UBE2E1: variants seen among roughly 807,000 people sequenced by gnomAD.
UBE2E1 encodes ubiquitin conjugating enzyme E2 E1, also known as ubiquitin-conjugating enzyme E2 E1.
A neutral mutation model predicts 21.4 loss-of-function variants in UBE2E1; 6 were observed. The ratio of observed to expected loss-of-function variants is 0.28; its 90% CI spans 0.15 to 0.55. The LOEUF (loss-of-function observed/expected upper bound fraction) is 0.55, where lower values mean the gene tolerates loss of function less well. Among genes scored for constraint, UBE2E1 ranks in the 20% least tolerant of loss-of-function variants. The pLI is 0.93. For synonymous variants in UBE2E1, 87 were observed against 82.7 expected (o/e 1.05, Z -0.28); for missense variants, 142 against 236.5 (o/e 0.60, Z 2.62).
chr3:23,813,201 A>G (rs1226118144), intron 3 of UBE2E1, among the ~76,000 whole-genome samples: 1 of 152,166 alleles, frequency 6.6e-6, no homozygotes, highest in Non-Finnish European at 1.5e-5. Context: ...GGTGTTACGG[A>G]GTCAAAGCTC....
Position 23,863,100 on chromosome 3 carries a change from C to T in UBE2E1, c.204-24467C>T, listed in dbSNP as rs940879558. ...TTCCCAGCATTTTGCTCTCTAGTGG[C>T]AACTACTTGTACCTCCTTGAGCCGA... On this transcript the variant is annotated intron_variant, in intron 3 of 5. Transcript: ENST00000306627. This position sits in a 1 kb window ranked among gnomAD's most constrained non-coding sequence, Gnocchi z 4.3. Among the ~76,000 whole-genome samples the T allele has an allele frequency of 3.3e-5, 5 of 149,898 alleles. No homozygotes were observed. The highest frequency in any genetic ancestry group is 9.8e-5 in the African/African-American group (4 of 40,882).
intron 3 of UBE2E1, among the ~76,000 whole-genome samples, chr3:23,852,620 GGTC>G (rs1700350602): frequency 6.6e-6 from 1 of 151,938 alleles, no homozygotes; most frequent in Non-Finnish European, 1.5e-5. Flanking sequence ...TTTGAGACAG[GGTC>G]TCACTTTGTC....
In UBE2E1 at chr3:23,890,861, A is replaced by ATTTAGACATTT; in HGVS notation, c.*256_*266dup. 1 of 309,948 alleles carries ATTTAGACATTT rather than the reference A, an allele frequency of 3.2e-6. No homozygotes were observed. The highest frequency in any genetic ancestry group is 5.9e-6 in the Non-Finnish European group (1 of 169,756). The allele number at this position is 309,948 out of a possible 1,614,324, so 19.2% of individuals were successfully genotyped here. ...AAATGTAGTACAGAAAAGAATGTAC[A>ATTTAGACATTT]TTTAGACATTTGGGTTCAGTTGCTT... On this transcript the variant is annotated 3_prime_UTR_variant, in exon 6 of 6. Coordinates refer to ENST00000306627, the MANE Select transcript of UBE2E1 (RefSeq NM_003341.5).
Position 23,823,703 on chromosome 3 carries a change from A to G in UBE2E1, c.203+12193A>G, listed in dbSNP as rs1338361110. ...TTACAAGCACCCAGGAGGATTTTTT[A>G]TAAACATGAAAGATAACTTTCCTCT... On this transcript the variant is annotated intron_variant, in intron 3 of 5. Transcript: ENST00000306627. The surrounding 1 kb of genome is among the most constrained non-coding windows in gnomAD (Gnocchi z 4.2). 6.6e-6 allele frequency among the ~76,000 whole-genome samples: 1 copy of G among 152,246 alleles called. No individual in the cohort carries two copies. Among genetic ancestry groups the G allele is most frequent in the Non-Finnish European group, 1.5e-5 (1 of 68,050 alleles).
chr3:23,856,032 C>T (rs1012778866), intron 3 of UBE2E1, among the ~76,000 whole-genome samples: 14 of 151,742 alleles, frequency 9.2e-5, no homozygotes, highest in African/African-American at 3.4e-4. Flanking sequence ...TGTGGTTTTT[C>T]TTTTCTTTTC....
At chr3:23,846,698 C>CAAAA (rs10662469) in intron 3 of UBE2E1, among the ~76,000 whole-genome samples, 4,691 of 89,558 alleles carry the variant, frequency 0.052, 297 homozygotes, top group Non-Finnish European at 0.074. Context: ...TCCATCTCAT[C>CAAAA]AAAAAAAAAA....
chr3:23,812,773 C>T (rs1391274927), intron 3 of UBE2E1, among the ~76,000 whole-genome samples: 2 of 152,120 alleles, frequency 1.3e-5, no homozygotes, highest in Non-Finnish European at 2.9e-5. Flanking sequence ...TGGTGGTTCA[C>T]GTGGAAGCCT....
At chr3:23,889,566 T>TATA in intron 5 of UBE2E1, 16 of 1,371,022 alleles carry the variant, frequency 1.2e-5, no homozygotes, top group Non-Finnish European at 1.4e-5. Flanking sequence ...ATAGAGTTCT[T>TATA]ATAAAACAAA....
In UBE2E1 at chr3:23,808,036, C is replaced by T. The variant is rs1167218432; in HGVS notation, c.152+615C>T. On this transcript the variant is annotated intron_variant, in intron 2 of 5. Coordinates refer to ENST00000306627, the MANE Select transcript of UBE2E1 (RefSeq NM_003341.5). This position sits in a 1 kb window ranked among gnomAD's most constrained non-coding sequence, Gnocchi z 4.9. ...TATTCTAGGTTATTTTTGTGGTTCT[C>T]TTTAAAAACTTCAGTTTACCAATTT... is the stretch of plus-strand genomic sequence containing the variant. 2 of 152,148 alleles carry T rather than the reference C, an allele frequency of 1.3e-5. No individual in the cohort carries two copies. Among genetic ancestry groups the T allele is most frequent in the East Asian group, 1.9e-4 (1 of 5,190 alleles). The allele number at this position is 152,148 out of a possible 1,614,324, so 9.4% of individuals were successfully genotyped here. A position where few individuals can be genotyped will look rare whatever the true frequency, so the allele number is the denominator to read the frequency against.
At position 23,858,633 on chromosome 3, in the gene UBE2E1, C is replaced by A. The variant is rs140381937; in HGVS notation, c.204-28934C>A. On this transcript the variant is annotated intron_variant, in intron 3 of 5. Coordinates refer to ENST00000306627, the MANE Select transcript of UBE2E1 (RefSeq NM_003341.5). ...CTGCGCCCGGCCAGGAACTTTATGA[C>A]AATGGAAGACAAACCTTTATATTGA... 9.4e-3 allele frequency among the ~76,000 whole-genome samples: 1,435 copies of A among 152,092 alleles called. 23 individuals are homozygous for A. The highest frequency in any genetic ancestry group is 0.032 in the African/African-American group (1,342 of 41,486).
At chr3:23,809,293 A>T (rs1350433944) in intron 2 of UBE2E1, among the ~76,000 whole-genome samples, 4 of 152,228 alleles carry the variant, frequency 2.6e-5, no homozygotes, top group Non-Finnish European at 5.9e-5. Flanking sequence ...TCCAGGAAAG[A>T]GAATGGGGAA....
At chr3:23,866,627 T>G (rs1700663906) in intron 3 of UBE2E1, 1 of 151,862 alleles carries the variant, frequency 6.6e-6, no homozygotes, top group African/African-American at 2.4e-5. Flanking sequence ...TGTCTTTGGT[T>G]TTCATTAAGG....
rs563391402 is a variant in UBE2E1 at position 23,807,662 on chromosome 3, T to A, written c.152+241T>A. Reference sequence around the variant, plus strand: ...CATTTCTTGCTGAAGTTTGTAAGATTCCTCGTTACTTTTATTAGTGACCCC... The same window carrying A: ...CATTTCTTGCTGAAGTTTGTAAGATACCTCGTTACTTTTATTAGTGACCCC... On this transcript the variant is annotated intron_variant, in intron 2 of 5. Transcript: ENST00000306627. 9 of 398,968 alleles carry A rather than the reference T, an allele frequency of 2.3e-5. No individual in the cohort carries two copies. In the South Asian group the frequency reaches 4.6e-4, roughly 21 times the overall value. 24.7% of individuals were successfully genotyped at this position (398,968 alleles called of 1,614,324 possible).
chr3:23,875,645 C>T (rs1700898566), intron 3 of UBE2E1, among the ~76,000 whole-genome samples: 1 of 152,198 alleles, frequency 6.6e-6, no homozygotes, highest in South Asian at 2.1e-4. Context: ...TGTTAGAAGG[C>T]CATTAAATGG....
chr3:23,855,970 A>G (rs1350737086), intron 3 of UBE2E1, among the ~76,000 whole-genome samples: 1 of 152,204 alleles, frequency 6.6e-6, no homozygotes, highest in African/African-American at 2.4e-5. Context: ...AGATGAGGAA[A>G]CTGAGGACTG....
At chr3:23,869,196 T>A (rs987102973) in intron 3 of UBE2E1, among the ~76,000 whole-genome samples, 10 of 152,280 alleles carry the variant, frequency 6.6e-5, no homozygotes, top group Middle Eastern at 3.4e-3. Context: ...CTAAGTAAGA[T>A]TGTGCATCTG....
chr3:23,881,563 T>C (rs1230414333), intron 3 of UBE2E1, among the ~76,000 whole-genome samples: 1 of 152,234 alleles, frequency 6.6e-6, no homozygotes, highest in African/African-American at 2.4e-5. Flanking sequence ...AATCATACTT[T>C]GGTTGGCTGG....
At chr3:23,871,350 C>T (rs1440237418) in intron 3 of UBE2E1, among the ~76,000 whole-genome samples, 2 of 145,620 alleles carry the variant, frequency 1.4e-5, no homozygotes, top group Admixed American at 6.7e-5. Flanking sequence ...AGGCGCCCCT[C>T]ACCTCCCGGA....
At chr3:23,824,625 T>TGGTA (rs943624727) in intron 3 of UBE2E1, among the ~76,000 whole-genome samples, 2 of 152,376 alleles carry the variant, frequency 1.3e-5, no homozygotes, top group Admixed American at 6.5e-5. Flanking sequence ...GGTTTGAGGA[T>TGGTA]GGTAACATTT....
Sources: allele counts gnomAD v4.1 joint callset (sites outside exome capture counted in the v4.1 genomes callset), GRCh38; gene constraint gnomAD v4.1.1; non-coding constraint Gnocchi (gnomAD v3.1); transcripts MANE v1.5; gene names NCBI Gene and HGNC (gene_info 2026-07-23, HGNC 2026-07-21).